The following PDK3 variants were observed in gnomAD, a reference collection of about 807,000 sequenced individuals.
The protein encoded by PDK3 is pyruvate dehydrogenase kinase 3.
In PDK3, 12 loss-of-function variants were observed where a neutral mutation model predicts 32.0. The observed-to-expected ratio is 0.37, with a 90% CI of 0.24 to 0.61. The LOEUF is 0.61. Among genes scored for constraint, PDK3 ranks in the 20% least tolerant of loss-of-function variants. The probability of loss-of-function intolerance (pLI) is 0.65; values close to 1 mark genes in which losing one functional copy is unlikely to be tolerated. For missense variants in PDK3, 188 were observed against 316.9 expected (o/e 0.59, Z 3.09); for synonymous variants, 122 against 116.3 (o/e 1.05, Z -0.31).
chrX:24,531,472 C>T lies in PDK3; in HGVS notation c.964-185C>T, dbSNP rs753302780. 1.1e-4 allele frequency among the ~76,000 whole-genome samples: 12 copies of T among 112,421 alleles called. No homozygotes were observed. The South Asian group carries it at 1.1e-3, about 10-fold the overall frequency. On this transcript the variant is annotated intron_variant, in intron 9 of 10. Transcript: ENST00000379162. Reference sequence around the variant, plus strand: ...TCCAAACATATAAGACATGTTTTTGCAGGGTGAAAATAAAGGGGTTGTTTG... The same window carrying T: ...TCCAAACATATAAGACATGTTTTTGTAGGGTGAAAATAAAGGGGTTGTTTG...
intron 6 of PDK3, among the ~76,000 whole-genome samples, chrX:24,521,623 T>G (rs910619920): frequency 1.8e-5 from 2 of 111,667 alleles, no homozygotes; most frequent in South Asian, 7.5e-4. Flanking sequence ...CTCTTTTGCG[T>G]GAGTGGCAGC....
exon 12 of PDK3, chrX:24,549,909 A>G (rs1288711245): frequency 1.8e-5 from 2 of 112,201 alleles, no homozygotes; most frequent in South Asian, 3.7e-4. Flanking sequence ...AATAAAATAT[A>G]CCATTGTGAA....
chrX:24,526,661 C>T (rs1355996879), intron 7 of PDK3, among the ~76,000 whole-genome samples: 4 of 111,803 alleles, frequency 3.6e-5, no homozygotes, highest in Admixed American at 9.5e-5. Flanking sequence ...GAAAATTAAC[C>T]ACACTGGTAC....
chrX:24,470,689 A>G lies in PDK3; in HGVS notation c.106+5128A>G, dbSNP rs1205558841. Reference sequence around the variant, plus strand: ...GTGACAAGAGTGAAACGGCATCTCAAAAAAAAAAAAAAAAAAAAAAAGAAG... The same window carrying G: ...GTGACAAGAGTGAAACGGCATCTCAGAAAAAAAAAAAAAAAAAAAAAGAAG... On this transcript the variant is annotated intron_variant, in intron 1 of 10. Coordinates refer to ENST00000379162, the MANE Select transcript of PDK3 (RefSeq NM_005391.5). Among the ~76,000 whole-genome samples, 5 of 69,985 alleles carry G rather than the reference A, an allele frequency of 7.1e-5. No homozygotes were observed. In the East Asian group the frequency reaches 2.4e-3, roughly 33 times the overall value. The allele number at this position is 69,985 out of a possible 115,157, so 60.8% of individuals were successfully genotyped here.
At chrX:24,524,229 C>G (rs1922468404) in intron 6 of PDK3, among the ~76,000 whole-genome samples, 1 of 112,014 alleles carries the variant, frequency 8.9e-6, no homozygotes, top group Non-Finnish European at 1.9e-5. Context: ...TCAAAAACAA[C>G]TTTAGGATGA....
At chrX:24,488,613 C>T (rs1921466808) in intron 1 of PDK3, among the ~76,000 whole-genome samples, 1 of 111,879 alleles carries the variant, frequency 8.9e-6, no homozygotes, top group Non-Finnish European at 1.9e-5. Context: ...CGCTTGAACT[C>T]AGGAGGTGGA....
exon 12 of PDK3, chrX:24,550,044 T>A (rs1160338115): frequency 8.9e-6 from 1 of 112,272 alleles, no homozygotes; most frequent in Non-Finnish European, 1.9e-5. Flanking sequence ...GTATTATACA[T>A]CAAATAAAAG....
At chrX:24,496,346 A>G (rs1013960927) in intron 2 of PDK3, among the ~76,000 whole-genome samples, 18 of 109,133 alleles carry the variant, frequency 1.6e-4, no homozygotes, top group Admixed American at 1.4e-3. Context: ...TATATAATCT[A>G]TGTCTATATA....
At chrX:24,504,729 G>A (rs1416372586) in intron 4 of PDK3, among the ~76,000 whole-genome samples, 3 of 112,112 alleles carry the variant, frequency 2.7e-5, no homozygotes, top group Non-Finnish European at 3.8e-5. Context: ...TATTGTTTGT[G>A]TACACAACAT....
intron 1 of PDK3, among the ~76,000 whole-genome samples, chrX:24,479,094 T>G (rs1195323311): frequency 8.9e-6 from 1 of 112,811 alleles, no homozygotes; most frequent in Non-Finnish European, 1.9e-5. Context: ...GAACCTTTTC[T>G]TGGATCTGTC....
At chrX:24,500,984 T>C (rs1456061229) in intron 3 of PDK3, among the ~76,000 whole-genome samples, 2 of 111,932 alleles carry the variant, frequency 1.8e-5, no homozygotes, top group Non-Finnish European at 3.8e-5. Flanking sequence ...AAGGACAAAT[T>C]GTCTATTATA....
intron 3 of PDK3, among the ~76,000 whole-genome samples, chrX:24,502,846 GAACA>G (rs1415505995): frequency 2.7e-5 from 3 of 111,466 alleles, no homozygotes; most frequent in Non-Finnish European, 3.8e-5. Flanking sequence ...TCCGTCAAAA[GAACA>G]AACAAACAAA....
chrX:24,471,112 G>A (rs903948218), intron 1 of PDK3, among the ~76,000 whole-genome samples: 6 of 110,936 alleles, frequency 5.4e-5, no homozygotes, highest in African/African-American at 2.0e-4. Context: ...TAGATGACAA[G>A]TTGATGGGTG....
In PDK3 at chrX:24,500,714, T is replaced by C. The variant is rs1921833368; in HGVS notation, c.320+1814T>C. Among the ~76,000 whole-genome samples the C allele has an allele frequency of 4.5e-5, 5 of 112,115 alleles. No homozygotes were observed. In the Admixed American group the frequency reaches 4.8e-4, roughly 11 times the overall value. On this transcript the variant is annotated intron_variant, in intron 3 of 10. Coordinates refer to ENST00000379162, the MANE Select transcript of PDK3 (RefSeq NM_005391.5). The stretch of plus-strand genomic sequence containing the variant: ...GTGAGCGAGTATCATGGTAGCAGCC[T>C]TTTCTGTTTACCAAGAGGTTGTATG...
chrX:24,513,320 C>T (rs1204989285), intron 5 of PDK3: 1 of 110,715 alleles, frequency 9.0e-6, no homozygotes, highest in Non-Finnish European at 1.9e-5. Context: ...ATTAGAATTG[C>T]TTTGAGACTT....
intron 5 of PDK3, among the ~76,000 whole-genome samples, chrX:24,510,028 T>C (rs1416520788): frequency 1.8e-5 from 2 of 112,496 alleles, no homozygotes; most frequent in East Asian, 5.5e-4. Context: ...AAAAATGTTA[T>C]GAAATTACTG....
intron 5 of PDK3, 146 bp downstream of exon 5, chrX:24,505,444 TGTTCTTTCTAGGCAGTTCAGGTAGGCA>T (rs1921958803): frequency 7.4e-6 from 3 of 406,742 alleles, no homozygotes; most frequent in East Asian, 8.5e-5. Flanking sequence ...CCAGATGAAA[TGTTCTTTCTAGGCAGTTCAGGTAGGCA>T]GTTCTTTCTA....
intron 1 of PDK3, among the ~76,000 whole-genome samples, chrX:24,468,038 T>C (rs1940079034): frequency 8.9e-6 from 1 of 111,912 alleles, no homozygotes; most frequent in Non-Finnish European, 1.9e-5. Flanking sequence ...TCTCCATGGG[T>C]ACTTTACAAA....
intron 9 of PDK3, among the ~76,000 whole-genome samples, chrX:24,531,425 AATTAGAAT>A (rs1237039983): frequency 8.9e-6 from 1 of 112,620 alleles, no homozygotes. Flanking sequence ...ATTAGTCAAA[AATTAGAAT>A]ATTTCTATTA....
Sources: gnomAD v4.1 joint callset for allele counts (sites outside exome capture counted in the v4.1 genomes callset) on GRCh38, gnomAD v4.1.1 for gene constraint, MANE v1.5 for transcripts, NCBI Gene and HGNC (gene_info 2026-07-23, HGNC 2026-07-21) for gene names.